DPYD: variants seen among roughly 807,000 people sequenced by gnomAD.
The protein encoded by DPYD is dihydropyrimidine dehydrogenase [NADP(+)].
A neutral mutation model predicts 116.2 loss-of-function variants in DPYD; 109 were observed. That is an observed-to-expected ratio of 0.94 (90% confidence interval 0.80 to 1.10). DPYD has a LOEUF of 1.10. Among genes scored for constraint, DPYD ranks in the 50% least tolerant of loss-of-function variants. DPYD has a pLI of 0.00. For missense variants in DPYD, 1,302 were observed against 1,254.5 expected, an observed-to-expected ratio of 1.04 and a Z score of -0.57; for synonymous variants, 440 against 432.0, an observed-to-expected ratio of 1.02 and a Z score of -0.23.
At chr1:97,172,422 G>A (rs1405147929) in intron 20 of DPYD, among the ~76,000 whole-genome samples, 1 of 152,160 alleles carries the variant, frequency 6.6e-6, no homozygotes, top group Non-Finnish European at 1.5e-5. Context: ...GAATTCATAT[G>A]AATTTGTTTT....
chr1:97,118,300 T>C (rs72965835), intron 20 of DPYD, among the ~76,000 whole-genome samples: 6,543 of 152,172 alleles, frequency 0.043, 185 homozygotes, highest in African/African-American at 0.067. Flanking sequence ...AATCTTCAGA[T>C]TTTATTGTGA....
chr1:97,758,328 C>G (rs2101119735), intron 3 of DPYD, among the ~76,000 whole-genome samples: 1 of 149,230 alleles, frequency 6.7e-6, no homozygotes, highest in South Asian at 2.1e-4. Flanking sequence ...ATCCTCTTCA[C>G]ATATGTCAAA....
At chr1:97,879,870 C>A (rs955006068) in intron 2 of DPYD, among the ~76,000 whole-genome samples, 2 of 151,600 alleles carry the variant, frequency 1.3e-5, no homozygotes, top group African/African-American at 4.8e-5. Context: ...TAAGATGCTT[C>A]GAGCACCAAA....
chr1:97,117,203 G>A (rs1652043406), intron 20 of DPYD, among the ~76,000 whole-genome samples: 1 of 152,020 alleles, frequency 6.6e-6, no homozygotes. Flanking sequence ...AAAAGCATAT[G>A]ACAGGTTGAA....
intron 14 of DPYD, chr1:97,394,047 G>C (rs1280754055): frequency 6.6e-6 from 1 of 152,144 alleles, no homozygotes; most frequent in African/African-American, 2.4e-5. Context: ...GGCTGGTGAC[G>C]ATGAGCATCT....
chr1:97,662,133 T>TG (rs1054178625), intron 8 of DPYD, among the ~76,000 whole-genome samples: 1 of 151,218 alleles, frequency 6.6e-6, no homozygotes, highest in Non-Finnish European at 1.5e-5. Flanking sequence ...CCCTAGTAGC[T>TG]GGGACTACAG....
At chr1:97,728,293 G>A (rs1193149364) in intron 4 of DPYD, among the ~76,000 whole-genome samples, 2 of 151,870 alleles carry the variant, frequency 1.3e-5, no homozygotes, top group Admixed American at 6.6e-5. Context: ...TAGTCCTTGG[G>A]GTATTTAAAG....
At chr1:97,778,016 G>T (rs1164414830) in intron 3 of DPYD, among the ~76,000 whole-genome samples, 1 of 151,766 alleles carries the variant, frequency 6.6e-6, no homozygotes, top group African/African-American at 2.4e-5. Flanking sequence ...AAATTAGCCA[G>T]GCATGGTAGC....
intron 8 of DPYD, among the ~76,000 whole-genome samples, chr1:97,671,143 C>T (rs904989022): frequency 1.3e-5 from 2 of 151,872 alleles, no homozygotes; most frequent in Admixed American, 1.3e-4. Context: ...TAAATTATCT[C>T]CTTTTTTACA....
At chr1:97,628,740 A>G (rs113997389) in intron 8 of DPYD, among the ~76,000 whole-genome samples, 2,000 of 152,224 alleles carry the variant, frequency 0.013, 21 homozygotes, top group Middle Eastern at 0.024. Context: ...AGAAAAATTC[A>G]GCACCACCTC....
At chr1:97,540,918 A>G (rs577027659) in intron 12 of DPYD, among the ~76,000 whole-genome samples, 44 of 152,344 alleles carry the variant, frequency 2.9e-4, no homozygotes, top group Admixed American at 2.9e-3. Context: ...CAGGGTAAAG[A>G]TGAAAATTTC....
chr1:97,186,397 A>G (rs1249024709), intron 20 of DPYD, among the ~76,000 whole-genome samples: 1 of 152,066 alleles, frequency 6.6e-6, no homozygotes, highest in African/African-American at 2.4e-5. Flanking sequence ...CTTCTACCCA[A>G]TTCCTCATCC....
intron 20 of DPYD, among the ~76,000 whole-genome samples, chr1:97,122,181 C>T (rs898511739): frequency 7.2e-5 from 11 of 152,052 alleles, no homozygotes; most frequent in African/African-American, 1.4e-4. Context: ...TGCTGGAGTA[C>T]GGATGAAAAG....
chr1:97,902,042 A>C (rs1332742262), intron 1 of DPYD, among the ~76,000 whole-genome samples: 1 of 151,776 alleles, frequency 6.6e-6, no homozygotes, highest in East Asian at 1.9e-4. Context: ...TGTCTGCCCC[A>C]CTAGCCTTTC....
intron 12 of DPYD, among the ~76,000 whole-genome samples, chr1:97,522,327 T>C (rs1648740522): frequency 6.6e-6 from 1 of 152,224 alleles, no homozygotes; most frequent in South Asian, 2.1e-4. Context: ...TCAGCTGTCA[T>C]CATAGTCGGC....
chr1:97,459,762 C>T (rs1476290640), intron 13 of DPYD, among the ~76,000 whole-genome samples: 1 of 152,012 alleles, frequency 6.6e-6, no homozygotes, highest in African/African-American at 2.4e-5. Context: ...AATGCTAATT[C>T]TGCAACTAGG....
Position 97,789,612 on chromosome 1 carries a change from T to C in DPYD, c.233+38502A>G, listed in dbSNP as rs144036749. ...ATAAGGAAAATTTTAAATAGCCTTG[T>C]TTTTTCTGTGCTTTTTTTCTCACCT... On this transcript the variant is annotated intron_variant, in intron 3 of 22. Coordinates refer to ENST00000370192, the MANE Select transcript of DPYD (RefSeq NM_000110.4). Among the ~76,000 whole-genome samples, 1,394 of 152,218 alleles carry C rather than the reference T, an allele frequency of 9.2e-3. 11 individuals carry two copies. Among genetic ancestry groups the C allele is most frequent in the Middle Eastern group, 0.041 (12 of 294 alleles).
At chr1:97,754,332 C>A (rs1337862063) in intron 3 of DPYD, among the ~76,000 whole-genome samples, 1 of 151,978 alleles carries the variant, frequency 6.6e-6, no homozygotes, top group Non-Finnish European at 1.5e-5. Flanking sequence ...AATTAGCTGT[C>A]TACAGCTTAA....
chr1:97,505,696 T>C (rs2811183), intron 13 of DPYD, among the ~76,000 whole-genome samples: 27,293 of 151,408 alleles, frequency 0.18, 2,633 homozygotes, highest in East Asian at 0.26. Flanking sequence ...ACTCGAAAAA[T>C]AGTATATATA....
Sources: allele counts gnomAD v4.1 joint callset (sites outside exome capture counted in the v4.1 genomes callset), GRCh38; gene constraint gnomAD v4.1.1; transcripts MANE v1.5; gene names NCBI Gene and HGNC (gene_info 2026-07-23, HGNC 2026-07-21).